The following FSTL4 variants were observed in gnomAD, a reference collection of about 807,000 sequenced individuals.
FSTL4 encodes the protein follistatin-related protein 4.
Under a neutral mutation model 78.2 loss-of-function variants are expected in FSTL4, and 28 were observed. The ratio of observed to expected loss-of-function variants is 0.36; its 90% CI spans 0.27 to 0.49. The LOEUF is 0.49. Among genes scored for constraint, FSTL4 ranks in the 20% least tolerant of loss-of-function variants. The pLI, the probability that FSTL4 is intolerant of heterozygous loss-of-function variation, is 0.98. For synonymous variants in FSTL4, 422 were observed against 440.5 expected (o/e 0.96, Z 0.53); for missense variants, 922 against 1,084.9 (o/e 0.85, Z 2.11).
chr5:133,395,166 T>C (rs532070139), intron 4 of FSTL4, among the ~76,000 whole-genome samples: 1 of 152,232 alleles, frequency 6.6e-6, no homozygotes, highest in East Asian at 1.9e-4. Context: ...CAGCCAGCAG[T>C]GGCAACCTGG....
intron 3 of FSTL4, among the ~76,000 whole-genome samples, chr5:133,459,409 G>A (rs145225295): frequency 1.6e-4 from 25 of 152,000 alleles, no homozygotes; most frequent in African/African-American, 5.8e-4. Flanking sequence ...CAGTATTTAG[G>A]ACAATTAAAT....
chr5:133,273,491 C>T (rs1401213691), intron 6 of FSTL4, among the ~76,000 whole-genome samples: 2 of 152,168 alleles, frequency 1.3e-5, no homozygotes, highest in Non-Finnish European at 2.9e-5. Flanking sequence ...GGGCCTGTGG[C>T]TCCTCTTAAT....
intron 7 of FSTL4, among the ~76,000 whole-genome samples, chr5:133,240,510 G>A (rs1751826969): frequency 6.6e-6 from 1 of 152,212 alleles, no homozygotes. Context: ...GCCTGGAAGA[G>A]GGAGTTGGAG....
intron 3 of FSTL4, among the ~76,000 whole-genome samples, chr5:133,545,339 G>A (rs189899986): frequency 2.0e-5 from 3 of 152,252 alleles, no homozygotes; most frequent in African/African-American, 4.8e-5. Context: ...ATTAATTCTC[G>A]AGGAAGTGAG....
chr5:133,808,525 A>G, the FSTL4 span, among the ~76,000 whole-genome samples: 1 of 152,240 alleles, frequency 6.6e-6, no homozygotes, highest in Non-Finnish European at 1.5e-5. Flanking sequence ...CCGCAGCTGG[A>G]AGTCCAGATG....
chr5:133,717,350 A>G, the FSTL4 span, among the ~76,000 whole-genome samples: 1 of 152,230 alleles, frequency 6.6e-6, no homozygotes. Context: ...CAATACTAGT[A>G]TTTCATTAGG....
At chr5:133,667,694 G>A in the FSTL4 span, among the ~76,000 whole-genome samples, 4 of 152,128 alleles carry the variant, frequency 2.6e-5, no homozygotes, top group African/African-American at 4.8e-5. Flanking sequence ...ACTACTTACA[G>A]TGGCAACATC....
intron 11 of FSTL4, among the ~76,000 whole-genome samples, chr5:133,223,435 A>G (rs1030730974): frequency 4.6e-5 from 7 of 152,190 alleles, no homozygotes; most frequent in Non-Finnish European, 1.0e-4. Context: ...TGCTTAACCC[A>G]TCAATCACAT....
intron 6 of FSTL4, among the ~76,000 whole-genome samples, chr5:133,297,757 T>C (rs1001900894): frequency 1.3e-5 from 2 of 152,086 alleles, no homozygotes; most frequent in African/African-American, 4.8e-5. Flanking sequence ...CCAAATTGGG[T>C]TTAGGACCCC....
chr5:133,214,119 C>G (rs757882405), intron 13 of FSTL4, among the ~76,000 whole-genome samples: 1 of 152,166 alleles, frequency 6.6e-6, no homozygotes, highest in Non-Finnish European at 1.5e-5. Context: ...AGCTGATGGA[C>G]TAAGCAGACA....
chr5:133,606,638 C>T (rs907338084), intron 1 of FSTL4, among the ~76,000 whole-genome samples: 2 of 152,218 alleles, frequency 1.3e-5, no homozygotes, highest in Non-Finnish European at 2.9e-5. Context: ...TCAAACATTG[C>T]TCACAGAGTA....
intron 4 of FSTL4, among the ~76,000 whole-genome samples, chr5:133,349,413 G>A (rs1413272185): frequency 1.3e-5 from 2 of 151,724 alleles, no homozygotes; most frequent in Non-Finnish European, 2.9e-5. Flanking sequence ...TGACCCACAA[G>A]GCACAACCTC....
chr5:133,513,331 G>C (rs562705446), intron 3 of FSTL4, among the ~76,000 whole-genome samples: 1 of 152,276 alleles, frequency 6.6e-6, no homozygotes, highest in Non-Finnish European at 1.5e-5. Context: ...TGCTATATGA[G>C]GAGAAACGTT....
At chr5:133,472,683 A>C (rs1757849571) in intron 3 of FSTL4, among the ~76,000 whole-genome samples, 2 of 152,260 alleles carry the variant, frequency 1.3e-5, no homozygotes, top group Non-Finnish European at 2.9e-5. Context: ...TTGGCATCTC[A>C]CAGTCATACT....
the FSTL4 span, among the ~76,000 whole-genome samples, chr5:133,692,215 G>A: frequency 1.3e-5 from 2 of 152,120 alleles, no homozygotes; most frequent in Admixed American, 6.5e-5. Context: ...GAGAGTAAGT[G>A]GTTTGTGCAA....
intron 4 of FSTL4, among the ~76,000 whole-genome samples, chr5:133,377,696 C>T (rs974623600): frequency 1.3e-5 from 2 of 151,110 alleles, no homozygotes; most frequent in South Asian, 2.1e-4. Flanking sequence ...GCAGTAGAAG[C>T]ACCAGAAAAA....
Position 133,196,655 on chromosome 5 carries a change from C to G in FSTL4, c.*2440G>C, listed in dbSNP as rs2126751910. ...GTAGTGAGGCATTTCCTCCCAGTGGCTTTCCAACTGTGTCCCATGAACCTC... is the reference window on the plus strand; with the variant it reads ...GTAGTGAGGCATTTCCTCCCAGTGGGTTTCCAACTGTGTCCCATGAACCTC... On this transcript the variant is annotated 3_prime_UTR_variant, in exon 16 of 16. Coordinates refer to ENST00000265342, the MANE Select transcript of FSTL4 (RefSeq NM_015082.2). 6.6e-6 allele frequency: 1 copy of G among 152,346 alleles called. No homozygotes were observed. Among genetic ancestry groups the G allele is most frequent in the South Asian group, 2.1e-4 (1 of 4,832 alleles). The allele number at this position is 152,346 out of a possible 1,614,324, so 9.4% of individuals were successfully genotyped here.
intron 3 of FSTL4, among the ~76,000 whole-genome samples, chr5:133,512,627 C>A (rs1006534750): frequency 6.6e-6 from 1 of 152,230 alleles, no homozygotes; most frequent in African/African-American, 2.4e-5. Flanking sequence ...TCTTTTCACT[C>A]TGCATCATAA....
chr5:133,360,834 C>T (rs139737077), intron 4 of FSTL4, among the ~76,000 whole-genome samples: 45 of 152,300 alleles, frequency 3.0e-4, no homozygotes, highest in African/African-American at 1.1e-3. Flanking sequence ...TGAGATGGCG[C>T]GTCCCATTCT....
Sources: allele counts gnomAD v4.1 joint callset (sites outside exome capture counted in the v4.1 genomes callset), GRCh38; gene constraint gnomAD v4.1.1; transcripts MANE v1.5; gene names NCBI Gene and HGNC (gene_info 2026-07-23, HGNC 2026-07-21).